UGCG: variants seen among roughly 807,000 people sequenced by gnomAD.
The protein encoded by UGCG is ceramide glucosyltransferase.
UGCG carries 10 observed loss-of-function variants against 49.5 expected under a neutral mutation model. The observed-to-expected ratio is 0.20, with a 90% CI of 0.12 to 0.34. UGCG has a LOEUF of 0.34. Ranked by LOEUF, UGCG falls within the 10% of genes least tolerant of loss-of-function variation. UGCG has a pLI of 1.00. For synonymous variants in UGCG, 182 were observed against 158.2 expected, an observed-to-expected ratio of 1.15 and a Z score of -1.13; for missense variants, 312 against 483.7, an observed-to-expected ratio of 0.65 and a Z score of 3.33.
Position 111,897,122 on chromosome 9 carries a change from C to T in UGCG, c.-94C>T. The T allele has an allele frequency of 3.7e-6, 4 of 1,070,740 alleles. No individual in the cohort carries two copies. The highest frequency in any genetic ancestry group is 2.9e-5 in the East Asian group (1 of 35,022). The allele number at this position is 1,070,740 out of a possible 1,614,324, so 66.3% of individuals were successfully genotyped here. On this transcript the variant is annotated 5_prime_UTR_variant, in exon 1 of 9. Coordinates refer to ENST00000374279, the MANE Select transcript of UGCG (RefSeq NM_003358.3). ...CCCCACCTTCCTCTCGCCTCCCGCG[C>T]CCCCGCACCGGGCGCCCACCCTGTC...
chr9:111,920,199 TAAC>T (rs941476999), intron 2 of UGCG, among the ~76,000 whole-genome samples: 6 of 152,196 alleles, frequency 3.9e-5, no homozygotes, highest in African/African-American at 1.4e-4. Context: ...GAATATATAA[TAAC>T]AGCAGTATGT....
At chr9:111,902,433 A>G (rs1837793640) in intron 1 of UGCG, among the ~76,000 whole-genome samples, 1 of 152,240 alleles carries the variant, frequency 6.6e-6, no homozygotes, top group Non-Finnish European at 1.5e-5. Flanking sequence ...CATTTTTGAA[A>G]TAAGTGATAC....
intron 1 of UGCG, among the ~76,000 whole-genome samples, chr9:111,905,698 C>T (rs868780019): frequency 6.6e-6 from 1 of 152,030 alleles, no homozygotes; most frequent in Non-Finnish European, 1.5e-5. Context: ...AGGTGATCCA[C>T]CCGCCTCAGC....
At chr9:111,908,630 A>G (rs79136342) in intron 1 of UGCG, among the ~76,000 whole-genome samples, 5,523 of 152,314 alleles carry the variant, frequency 0.036, 137 homozygotes, top group African/African-American at 0.069. Flanking sequence ...TGCAAGCCAG[A>G]TGCATTATAG....
At chr9:111,905,614 C>T (rs188112256) in intron 1 of UGCG, among the ~76,000 whole-genome samples, 6 of 152,142 alleles carry the variant, frequency 3.9e-5, no homozygotes, top group Non-Finnish European at 8.8e-5. Context: ...CCACCGTGCC[C>T]GGCTAATTTT....
At chr9:111,927,459 TG>T (rs1838336663) in intron 5 of UGCG, among the ~76,000 whole-genome samples, 1 of 151,964 alleles carries the variant, frequency 6.6e-6, no homozygotes, top group East Asian at 1.9e-4. Context: ...TTTTTTGTTT[TG>T]TTTTTTTTTT....
chr9:111,923,439 T>G (rs1348596361), intron 3 of UGCG, among the ~76,000 whole-genome samples: 1 of 152,102 alleles, frequency 6.6e-6, no homozygotes, highest in Non-Finnish European at 1.5e-5. Context: ...TATCAGATCT[T>G]TGCTATTTGA....
chr9:111,923,320 C>T (rs961147135), intron 3 of UGCG, among the ~76,000 whole-genome samples: 13 of 150,458 alleles, frequency 8.6e-5, no homozygotes, highest in African/African-American at 3.2e-4. Context: ...CAAAAGCCTA[C>T]AGGCTTATTT....
At position 111,933,930 on chromosome 9, in the gene UGCG, A is replaced by G. The variant is rs959671628; in HGVS notation, c.*933A>G. 3 of 152,192 alleles carry G rather than the reference A, an allele frequency of 2.0e-5. No individual in the cohort carries two copies. Among genetic ancestry groups the G allele is most frequent in the Non-Finnish European group, 2.9e-5 (2 of 68,036 alleles). 9.4% of individuals were successfully genotyped at this position (152,192 alleles called of 1,614,324 possible). A position where few individuals can be genotyped will look rare whatever the true frequency, so the allele number is the denominator to read the frequency against. ...TGTAAGGAAAAAATGCATTTCAGAC[A>G]CATTTCACACATGAGCTATTTTCTT... is the stretch of plus-strand genomic sequence containing the variant. On this transcript the variant is annotated 3_prime_UTR_variant, in exon 9 of 9. Transcript: ENST00000374279.
chr9:111,900,371 C>T (rs1261386057), intron 1 of UGCG, among the ~76,000 whole-genome samples: 3 of 152,038 alleles, frequency 2.0e-5, no homozygotes, highest in Admixed American at 6.6e-5. Context: ...CTTTATCTTT[C>T]GACTGGAGGT....
intron 1 of UGCG, among the ~76,000 whole-genome samples, chr9:111,904,327 A>G (rs2131715526): frequency 6.6e-6 from 1 of 152,324 alleles, no homozygotes; most frequent in Non-Finnish European, 1.5e-5. Context: ...CTCAGGGCTC[A>G]GCTAAACCTG....
At chr9:111,911,911 T>G (rs1838005732) in intron 1 of UGCG, among the ~76,000 whole-genome samples, 2 of 4,074 alleles carry the variant, frequency 4.9e-4, no homozygotes, top group African/African-American at 1.1e-3. Flanking sequence ...ACAGGATATA[T>G]ATATATATAT....
intron 2 of UGCG, chr9:111,915,626 G>T (rs148775219): frequency 6.9e-4 from 157 of 226,046 alleles, no homozygotes; most frequent in African/African-American, 3.5e-3. Context: ...TTCCATAGCT[G>T]TTTTTGCTAC....
rs192407972 is a variant in UGCG at position 111,905,195 on chromosome 9, G to T, written c.98+7882G>T. ...ACTCCCATTCATTTACTTTTTAACC[G>T]ATTTTTAGCTGTCTACCCTTATCCT... On this transcript the variant is annotated intron_variant, in intron 1 of 8. Coordinates refer to ENST00000374279, the MANE Select transcript of UGCG (RefSeq NM_003358.3). Among the ~76,000 whole-genome samples, 10 of 152,174 alleles carry T rather than the reference G, an allele frequency of 6.6e-5. No homozygotes were observed. The South Asian group carries it at 2.1e-3, about 32-fold the overall frequency.
At chr9:111,919,175 A>G (rs192164362) in intron 2 of UGCG, among the ~76,000 whole-genome samples, 14 of 152,196 alleles carry the variant, frequency 9.2e-5, no homozygotes, top group African/African-American at 3.4e-4. Context: ...TCCTTTCATC[A>G]TATGTACTCA....
Position 111,914,676 on chromosome 9 carries a change from AACC to A in UGCG, c.173_175del (p.Pro58del). On this transcript the variant is annotated inframe_deletion, in exon 2 of 9. Transcript: ENST00000374279. The stretch of plus-strand genomic sequence containing the variant: ...AAGCTCCCAGGTGTCTCTCTTCTGA[AACC>A]ACTGAAAGGGGTAGATCCTAACTTA... 1 of 1,614,160 alleles carries A rather than the reference AACC, an allele frequency of 6.2e-7. No homozygotes were observed. The highest frequency in any genetic ancestry group is 8.5e-7 in the Non-Finnish European group (1 of 1,180,010).
intron 2 of UGCG, among the ~76,000 whole-genome samples, chr9:111,917,095 A>C (rs12002419): frequency 6.6e-6 from 1 of 152,160 alleles, no homozygotes; most frequent in African/African-American, 2.4e-5. Context: ...CCATTTAGTT[A>C]TATCATTTAA....
At chr9:111,921,801 G>GTTTTTTTTTTTTTTTTTTTT (rs1564203243) in intron 2 of UGCG, among the ~76,000 whole-genome samples, 1 of 48,060 alleles carries the variant, frequency 2.1e-5, no homozygotes, top group Non-Finnish European at 3.8e-5. Flanking sequence ...GCCCCAGGGT[G>GTTTTTTTTTTTTTTTTTTTT]ATTTTTTTTT....
chr9:111,920,431 G>A (rs998613437), intron 2 of UGCG, among the ~76,000 whole-genome samples: 17 of 151,852 alleles, frequency 1.1e-4, no homozygotes, highest in Admixed American at 2.6e-4. Context: ...GCGCAATCTC[G>A]GCTCACTGCG....
Sources: gnomAD v4.1 joint callset for allele counts (sites outside exome capture counted in the v4.1 genomes callset) on GRCh38, gnomAD v4.1.1 for gene constraint, MANE v1.5 for transcripts, NCBI Gene and HGNC (gene_info 2026-07-23, HGNC 2026-07-21) for gene names.